The following MRPL48 variants were observed in gnomAD, a reference collection of about 807,000 sequenced individuals.
MRPL48 encodes the protein mitochondrial ribosomal protein L48.
A neutral mutation model predicts 32.9 loss-of-function variants in MRPL48; 16 were observed. That is an observed-to-expected ratio of 0.49 (90% CI 0.33 to 0.74). MRPL48 has a LOEUF of 0.74. Among genes scored for constraint, MRPL48 ranks in the 30% least tolerant of loss-of-function variants. The pLI, the probability that MRPL48 is intolerant of heterozygous loss-of-function variation, is 0.02. For synonymous variants in MRPL48, 94 were observed against 89.2 expected (o/e 1.05, Z -0.31); for missense variants, 206 against 245.3 (o/e 0.84, Z 1.07).
chr11:73,797,862 C>CA (rs1402683805), intron 1 of MRPL48, among the ~76,000 whole-genome samples: 1 of 152,220 alleles, frequency 6.6e-6, no homozygotes, highest in South Asian at 2.1e-4. Flanking sequence ...AATGACACTC[C>CA]AAAAATCCCG....
chr11:73,789,148 A>G (rs554623350), intron 1 of MRPL48, among the ~76,000 whole-genome samples: 1 of 149,480 alleles, frequency 6.7e-6, no homozygotes, highest in South Asian at 2.2e-4. Flanking sequence ...AATTTGGCCA[A>G]ATATGGTGCC....
At chr11:73,848,386 GTTC>G (rs1948333481) in intron 5 of MRPL48, among the ~76,000 whole-genome samples, 1 of 151,016 alleles carries the variant, frequency 6.6e-6, no homozygotes, top group Non-Finnish European at 1.5e-5. Flanking sequence ...CTCTAACTTT[GTTC>G]TTCTTTTTCA....
At chr11:73,838,846 T>A (rs1398515040) in intron 4 of MRPL48, among the ~76,000 whole-genome samples, 2 of 152,310 alleles carry the variant, frequency 1.3e-5, no homozygotes, top group Non-Finnish European at 2.9e-5. Flanking sequence ...TCCTGGGGTC[T>A]GTCTTGTCTG....
At chr11:73,821,158 AT>A (rs1224944220) in intron 3 of MRPL48, among the ~76,000 whole-genome samples, 8 of 149,948 alleles carry the variant, frequency 5.3e-5, no homozygotes, top group Admixed American at 2.0e-4. Context: ...TGCCCAGCTA[AT>A]TTTTTTTTTC....
At chr11:73,835,969 T>C (rs1165099669) in intron 4 of MRPL48, among the ~76,000 whole-genome samples, 1 of 152,096 alleles carries the variant, frequency 6.6e-6, no homozygotes, top group Non-Finnish European at 1.5e-5. Context: ...AGGGTCTCAC[T>C]GTCGCCCAGG....
chr11:73,795,412 A>G (rs1185185500), intron 1 of MRPL48, among the ~76,000 whole-genome samples: 3 of 151,234 alleles, frequency 2.0e-5, no homozygotes, highest in African/African-American at 7.3e-5. Flanking sequence ...TTTTTTTTTT[A>G]AAGTATAACA....
intron 1 of MRPL48, among the ~76,000 whole-genome samples, chr11:73,803,765 A>C (rs938051876): frequency 6.6e-6 from 1 of 152,098 alleles, no homozygotes; most frequent in African/African-American, 2.4e-5. Flanking sequence ...ACAAACAAAC[A>C]AACAAAAGAA....
At chr11:73,863,333 T>C (rs1948616855) in intron 7 of MRPL48, 72 bp downstream of exon 7, 1 of 1,269,118 alleles carries the variant, frequency 7.9e-7, no homozygotes, top group Middle Eastern at 2.5e-4. Context: ...ACATCTGGAC[T>C]TCCTGGCTTT....
chr11:73,798,540 G>T (rs879595512), intron 1 of MRPL48, among the ~76,000 whole-genome samples: 3 of 152,172 alleles, frequency 2.0e-5, no homozygotes, highest in Non-Finnish European at 4.4e-5. Context: ...GGCACAAACC[G>T]TAGAAGTTAC....
intron 4 of MRPL48, among the ~76,000 whole-genome samples, chr11:73,832,903 A>G (rs1024632840): frequency 1.3e-5 from 2 of 152,186 alleles, no homozygotes; most frequent in Non-Finnish European, 2.9e-5. Context: ...TGCTCAGGTG[A>G]ACGGGACATG....
intron 5 of MRPL48, among the ~76,000 whole-genome samples, chr11:73,848,886 C>G (rs758054197): frequency 6.6e-6 from 1 of 151,758 alleles, no homozygotes; most frequent in Non-Finnish European, 1.5e-5. Context: ...GTGGCGTGAT[C>G]TCGGCTCACT....
intron 4 of MRPL48, among the ~76,000 whole-genome samples, chr11:73,838,646 C>T (rs573630253): frequency 6.6e-6 from 1 of 152,294 alleles, no homozygotes; most frequent in East Asian, 1.9e-4. Context: ...CTGATTGCTG[C>T]ATTTGGCCAT....
At position 73,805,009 on chromosome 11, in the gene MRPL48, A is replaced by G. The variant is rs186308411; in HGVS notation, c.22-18A>G. The G allele has an allele frequency of 1.8e-5, 29 of 1,582,778 alleles. No homozygotes were observed. The East Asian group carries it at 5.9e-4, about 32-fold the overall frequency. ...TATAAATGCTTAAGATTGTCCTAAC[A>G]TGGCTGTTTTGCTGTAGGTGCTGTG... is the stretch of plus-strand genomic sequence containing the variant. On this transcript the variant is annotated intron_variant, in intron 1 of 7. Transcript: ENST00000310614.
intron 7 of MRPL48, 116 bp from the exon 8 acceptor site, chr11:73,864,180 G>A (rs1948629818): frequency 3.6e-6 from 3 of 823,384 alleles, no homozygotes; most frequent in African/African-American, 1.7e-5. Context: ...AAAGTTACTT[G>A]AATCTGAATG....
chr11:73,843,818 C>A (rs2511275), intron 4 of MRPL48, among the ~76,000 whole-genome samples: 6,319 of 152,060 alleles, frequency 0.042, 438 homozygotes, highest in African/African-American at 0.15. Context: ...GTGGCTCATG[C>A]CTGTAATCCC....
At chr11:73,826,027 T>C (rs1177477413) in intron 4 of MRPL48, among the ~76,000 whole-genome samples, 1 of 151,100 alleles carries the variant, frequency 6.6e-6, no homozygotes, top group Non-Finnish European at 1.5e-5. Context: ...TTTATTTTTA[T>C]TTTTTTTTGA....
At chr11:73,795,255 G>T (rs1229654389) in intron 1 of MRPL48, among the ~76,000 whole-genome samples, 1 of 151,684 alleles carries the variant, frequency 6.6e-6, no homozygotes, top group Non-Finnish European at 1.5e-5. Flanking sequence ...TAGAGACAGG[G>T]TTTCACCATG....
At chr11:73,849,738 C>T (rs1020812145) in intron 5 of MRPL48, among the ~76,000 whole-genome samples, 1 of 152,160 alleles carries the variant, frequency 6.6e-6, no homozygotes, top group Admixed American at 6.5e-5. Flanking sequence ...TGAGAACACA[C>T]GTCTTCATTT....
intron 5 of MRPL48, among the ~76,000 whole-genome samples, chr11:73,857,170 G>A (rs530698055): frequency 1.3e-3 from 190 of 151,374 alleles, no homozygotes; most frequent in Middle Eastern, 3.4e-3. Flanking sequence ...TTGCTCTGTC[G>A]CCCAAGCTGG....
Sources: gnomAD v4.1 joint callset for allele counts (sites outside exome capture counted in the v4.1 genomes callset) on GRCh38, gnomAD v4.1.1 for gene constraint, MANE v1.5 for transcripts, NCBI Gene and HGNC (gene_info 2026-07-23, HGNC 2026-07-21) for gene names.